The following GCNT1 variants were observed in gnomAD, a reference collection of about 807,000 sequenced individuals.
GCNT1 encodes beta-1,3-galactosyl-O-glycosyl-glycoprotein beta-1,6-N-acetylglucosaminyltransferase.
Under a neutral mutation model 26.2 loss-of-function variants are expected in GCNT1, and 16 were observed. The observed-to-expected ratio is 0.61, with a 90% confidence interval of 0.41 to 0.93. The LOEUF (loss-of-function observed/expected upper bound fraction) is 0.93, where lower values mean the gene tolerates loss of function less well. Ranked by LOEUF, GCNT1 falls within the 40% of genes least tolerant of loss-of-function variation. The pLI, the probability that GCNT1 is intolerant of heterozygous loss-of-function variation, is 0.00. For synonymous variants in GCNT1, 183 were observed against 190.8 expected, an observed-to-expected ratio of 0.96 and a Z score of 0.34; for missense variants, 477 against 526.7, an observed-to-expected ratio of 0.91 and a Z score of 0.92.
intron 2 of GCNT1, among the ~76,000 whole-genome samples, chr9:76,475,154 G>T (rs1279996750): frequency 6.6e-6 from 1 of 152,158 alleles, no homozygotes; most frequent in Non-Finnish European, 1.5e-5. Flanking sequence ...TCATTACAAT[G>T]AGAATTACTT....
intron 2 of GCNT1, among the ~76,000 whole-genome samples, chr9:76,492,873 C>T (rs940806114): frequency 2.0e-5 from 3 of 151,948 alleles, no homozygotes; most frequent in African/African-American, 7.3e-5. Flanking sequence ...AGGCCTGTTC[C>T]TCTTGGTCCC....
At chr9:76,481,727 C>T (rs183895591) in intron 2 of GCNT1, among the ~76,000 whole-genome samples, 1 of 152,132 alleles carries the variant, frequency 6.6e-6, no homozygotes, top group East Asian at 1.9e-4. Context: ...GAGATTTTAC[C>T]CTACTTGAAA....
chr9:76,448,599 A>C (rs1292124798), intron 1 of GCNT1, among the ~76,000 whole-genome samples: 3 of 152,174 alleles, frequency 2.0e-5, no homozygotes, highest in Non-Finnish European at 4.4e-5. Context: ...CTATCACCCC[A>C]AAAAGCAAAT....
chr9:76,436,862 A>G (rs1823417396), upstream of GCNT1, among the ~76,000 whole-genome samples: 1 of 152,164 alleles, frequency 6.6e-6, no homozygotes, highest in African/African-American at 2.4e-5. Context: ...TGTCAGACAG[A>G]AAACCAAACA....
chr9:76,403,445 C>T, the GCNT1 span, among the ~76,000 whole-genome samples: 1 of 152,204 alleles, frequency 6.6e-6, no homozygotes, highest in Non-Finnish European at 1.5e-5. Flanking sequence ...AAAAGCACTA[C>T]AAGAATTTCA....
upstream of GCNT1, among the ~76,000 whole-genome samples, chr9:76,458,175 A>ATTTTTTT (rs779648273): frequency 6.6e-4 from 50 of 76,210 alleles, 1 homozygote; most frequent in African/African-American, 7.2e-4. Context: ...TCTGAGTTGG[A>ATTTTTTT]TTTTTTTTTT....
intron 2 of GCNT1, among the ~76,000 whole-genome samples, chr9:76,471,164 C>A (rs938612576): frequency 6.6e-6 from 1 of 152,172 alleles, no homozygotes; most frequent in African/African-American, 2.4e-5. Flanking sequence ...ATATCTGCTG[C>A]TGGAGTGCCC....
the GCNT1 span, among the ~76,000 whole-genome samples, chr9:76,412,286 A>G: frequency 1.3e-3 from 192 of 152,374 alleles, 1 homozygote; most frequent in Non-Finnish European, 1.5e-3. Context: ...TATTATTTGA[A>G]ACAAAATGTT....
At chr9:76,460,267 A>G (rs939138448) in intron 2 of GCNT1, 90 bp downstream of exon 2, 3 of 152,284 alleles carry the variant, frequency 2.0e-5, no homozygotes, top group Non-Finnish European at 2.9e-5. Flanking sequence ...TGCAGAAAAG[A>G]GAGTCGGTTT....
Position 76,503,420 on chromosome 9 carries a change from A to C in GCNT1, c.1039A>C (p.Met347Leu). 6.2e-7 allele frequency: 1 copy of C among 1,614,142 alleles called. No homozygotes were observed. The highest frequency in any genetic ancestry group is 8.5e-7 in the Non-Finnish European group (1 of 1,180,000). ...PASHKYDLSD[M>L]QAVARFVKWQ... ...CAGCCATAAGTATGATCTGTCTGAC[A>C]TGCAAGCAGTTGCCAGGTTTGTCAA... The change falls in exon 4 of 4, where the codon ATG becomes CTG. Residue 347 changes from methionine to leucine, a missense_variant. Physicochemically the swap from Met to Leu is conservative, Grantham distance 15. Transcript: ENST00000376730.
At chr9:76,442,502 A>G (rs909287022) in intron 1 of GCNT1, among the ~76,000 whole-genome samples, 1 of 151,846 alleles carries the variant, frequency 6.6e-6, no homozygotes, top group Non-Finnish European at 1.5e-5. Context: ...CCAACATGGC[A>G]AAACCCTGTC....
chr9:76,416,897 A>C (rs901495091), upstream of GCNT1, among the ~76,000 whole-genome samples: 2 of 152,002 alleles, frequency 1.3e-5, no homozygotes, highest in African/African-American at 4.8e-5. Flanking sequence ...TGTCTCTACT[A>C]AAAATACAAA....
At chr9:76,445,433 G>C (rs1823559957) in intron 1 of GCNT1, among the ~76,000 whole-genome samples, 1 of 151,652 alleles carries the variant, frequency 6.6e-6, no homozygotes, top group South Asian at 2.1e-4. Context: ...TTTCACCCAG[G>C]CTGGAGTGCA....
chr9:76,501,132 A>G (rs929888868), intron 3 of GCNT1, 71 bp downstream of exon 3: 8 of 152,138 alleles, frequency 5.3e-5, no homozygotes, highest in African/African-American at 1.9e-4. Context: ...TTTTATTTGT[A>G]TTATTACTAT....
At chr9:76,432,338 ATTTG>A (rs1221398256) in intron 1 of GCNT1, among the ~76,000 whole-genome samples, 1 of 152,048 alleles carries the variant, frequency 6.6e-6, no homozygotes, top group Non-Finnish European at 1.5e-5. Flanking sequence ...AGTTTAATAT[ATTTG>A]TTTGTTTTTT....
intron 1 of GCNT1, among the ~76,000 whole-genome samples, chr9:76,424,930 G>A (rs910509406): frequency 6.6e-6 from 1 of 152,042 alleles, no homozygotes; most frequent in African/African-American, 2.4e-5. Flanking sequence ...ATGATGTCAG[G>A]AGATTGAGAC....
the GCNT1 span, among the ~76,000 whole-genome samples, chr9:76,409,945 A>G: frequency 6.6e-6 from 1 of 152,000 alleles, no homozygotes; most frequent in South Asian, 2.1e-4. Flanking sequence ...ACAAATTTTG[A>G]TAAGTTGTGG....
chr9:76,501,671 T>G (rs1354194268), intron 3 of GCNT1: 1 of 152,198 alleles, frequency 6.6e-6, no homozygotes, highest in East Asian at 1.9e-4. Context: ...TTCTTAGAAG[T>G]CACAACCATT....
At chr9:76,445,970 C>G (rs1823571366) in intron 1 of GCNT1, among the ~76,000 whole-genome samples, 2 of 152,038 alleles carry the variant, frequency 1.3e-5, no homozygotes, top group East Asian at 3.9e-4. Flanking sequence ...GGCAACAGAG[C>G]AAGACCCCAT....
Sources: allele counts gnomAD v4.1 joint callset (sites outside exome capture counted in the v4.1 genomes callset), GRCh38; gene constraint gnomAD v4.1.1; transcripts MANE v1.5; gene names NCBI Gene and HGNC (gene_info 2026-07-23, HGNC 2026-07-21).